Variants in DDB1 observed in about 807,000 individuals in gnomAD.
DDB1 encodes the protein damage specific DNA binding protein 1.
Under a neutral mutation model 133.1 loss-of-function variants are expected in DDB1, and 18 were observed. That is an observed-to-expected ratio of 0.14 (90% CI 0.09 to 0.20). DDB1 has a LOEUF of 0.20. Among genes scored for constraint, DDB1 ranks in the 10% least tolerant of loss-of-function variants. The probability of loss-of-function intolerance (pLI) is 1.00; values close to 1 mark genes in which losing one functional copy is unlikely to be tolerated. For synonymous variants in DDB1, 580 were observed against 550.5 expected (o/e 1.05, Z -0.75); for missense variants, 828 against 1,459.2 (o/e 0.57, Z 7.05).
Position 61,329,540 on chromosome 11 carries a change from A to G in DDB1, c.372T>C (p.Ile124=), listed in dbSNP as rs1856329886. Residue 124 remains isoleucine (I), a synonymous_variant, in exon 4 of 27, where the codon ATT becomes ATC. Transcript: ENST00000301764. ...RPSETGIIGI[I]DPECRMIGLR... Reference sequence around the variant, plus strand: ...GGCCAATCATCCGGCACTCAGGGTCAATGATGCCAATAATGCCGGTCTCTG... The same window carrying G: ...GGCCAATCATCCGGCACTCAGGGTCGATGATGCCAATAATGCCGGTCTCTG... The G allele has an allele frequency of 1.2e-6, 2 of 1,614,150 alleles. No individual in the cohort carries two copies. The highest frequency in any genetic ancestry group is 1.7e-5 in the Admixed American group (1 of 60,020).
At position 61,309,792 on chromosome 11, in the gene DDB1, T is replaced by G. The variant is rs1855933301; in HGVS notation, c.2566+4A>C. ...CTCAGAAACTGGAGACTGCGCCCAC[T>G]TACCATCCGAATACTGAAAGACCAC... On this transcript the variant is annotated splice_donor_region_variant and intron_variant, in intron 20 of 26. Coordinates refer to ENST00000301764, the MANE Select transcript of DDB1 (RefSeq NM_001923.5). 6.2e-7 allele frequency: 1 copy of G among 1,610,544 alleles called. No individual in the cohort carries two copies.
chr11:61,332,909 G>T lies in DDB1; in HGVS notation c.60C>A (p.Thr20=). 2 of 1,491,810 alleles carry T rather than the reference G, an allele frequency of 1.3e-6. No homozygotes were observed. Among genetic ancestry groups the T allele is most frequent in the Non-Finnish European group, 1.8e-6 (2 of 1,111,586 alleles). 92.4% of individuals were successfully genotyped at this position (1,491,810 alleles called of 1,614,324 possible). A position where few individuals can be genotyped will look rare whatever the true frequency, so the allele number is the denominator to read the frequency against. ...GGTCTCCGGCCCCGGCAGCCTCACC[G>T]GTCACGCAGCCGTTCACGGCGGTGG... ...QKPTAVNGCV[T]GHFTSAEDLN... is the part of the protein sequence containing the mutation. The change falls in exon 1 of 27, where the codon ACC becomes ACA. Residue 20 remains threonine, a splice_region_variant and synonymous_variant. Coordinates refer to ENST00000301764, the MANE Select transcript of DDB1 (RefSeq NM_001923.5).
rs1856317658 is a variant in DDB1, at chr11:61,328,983, T to C, written c.549+380A>G. On this transcript the variant is annotated intron_variant, in intron 4 of 26. Transcript: ENST00000301764. ...ACATATAAGGCATCACCAAGACAAT[T>C]TCTCTTTGCTTAATATAAAGGCAAG... Among the ~76,000 whole-genome samples, 4 of 152,184 alleles carry C rather than the reference T, an allele frequency of 2.6e-5. No homozygotes were observed. The South Asian group carries it at 6.2e-4, about 24-fold the overall frequency.
rs28720345 is a variant in DDB1 at position 61,304,106 on chromosome 11, G to A, written c.2662-71C>T. 13,737 of 1,563,466 alleles carry A rather than the reference G, an allele frequency of 8.8e-3. 113 individuals carry two copies. The highest frequency in any genetic ancestry group is 0.026 in the South Asian group (2,267 of 88,662). ...TCAGAATGACTCCCCCCAACTCTTC[G>A]ACCCTTCATCTGCAGCACTACTTCT... On this transcript the variant is annotated intron_variant, in intron 21 of 26. Transcript: ENST00000301764.
At chr11:61,320,322 T>C (rs963981695) in intron 10 of DDB1, among the ~76,000 whole-genome samples, 1 of 152,070 alleles carries the variant, frequency 6.6e-6, no homozygotes, top group East Asian at 1.9e-4. Context: ...CGTCTCAGCC[T>C]CCCGAGTAGC....
intron 12 of DDB1, chr11:61,315,949 A>C: frequency 5.2e-6 from 1 of 192,520 alleles, no homozygotes. Context: ...AGTTTAACAA[A>C]GGGAAAAAAT....
At chr11:61,314,257 A>T (rs368067873) in intron 13 of DDB1, 47 bp from the exon 14 acceptor site, 3 of 1,593,102 alleles carry the variant, frequency 1.9e-6, no homozygotes, top group Non-Finnish European at 2.6e-6. Flanking sequence ...AGGCTCAAAG[A>T]AGTCCTAGAG....
At chr11:61,323,278 TC>T (rs1304260383) in intron 7 of DDB1, 184 bp from the exon 8 acceptor site, 36 of 615,510 alleles carry the variant, frequency 5.8e-5, no homozygotes, top group Non-Finnish European at 9.7e-5. Context: ...TTTTGATTCT[TC>T]ATCTATTGCA....
rs1855823973 is a variant in DDB1 at position 61,302,861 on chromosome 11, T to C, written c.2943-110A>G. ...GCTCAATTTCCCTGGGGAGCTGACA[T>C]ACTCCACAGTAGGGGAGCCAGTCTA... On this transcript the variant is annotated intron_variant, in intron 23 of 26. Coordinates refer to ENST00000301764, the MANE Select transcript of DDB1 (RefSeq NM_001923.5). 4.9e-6 allele frequency: 7 copies of C among 1,417,558 alleles called. No homozygotes were observed. The East Asian group carries it at 7.0e-5, about 14-fold the overall frequency. 87.8% of individuals were successfully genotyped at this position (1,417,558 alleles called of 1,614,324 possible).
chr11:61,329,843 T>A, intron 3 of DDB1, 115 bp downstream of exon 3: 1 of 947,274 alleles, frequency 1.1e-6, no homozygotes. Flanking sequence ...ACCCATAGTG[T>A]CTTCTCCTTA....
chr11:61,305,040 C>T (rs1358252609), intron 21 of DDB1, among the ~76,000 whole-genome samples: 1 of 152,190 alleles, frequency 6.6e-6, no homozygotes, highest in Non-Finnish European at 1.5e-5. Context: ...ACAGACTCAA[C>T]CCATCTGAAC....
intron 22 of DDB1, 170 bp from the exon 23 acceptor site, chr11:61,303,325 C>T (rs961978887): frequency 5.2e-5 from 31 of 598,644 alleles, no homozygotes; most frequent in African/African-American, 3.2e-4. Flanking sequence ...TCTCTGCCAA[C>T]GCAGCCCATT....
intron 21 of DDB1, among the ~76,000 whole-genome samples, chr11:61,307,205 A>G (rs1431538717): frequency 6.6e-6 from 1 of 152,236 alleles, no homozygotes; most frequent in Admixed American, 6.5e-5. Context: ...GAAAATTCTT[A>G]TCCTGAAATT....
chr11:61,332,107 A>C, intron 1 of DDB1: 1 of 52,546 alleles, frequency 1.9e-5, no homozygotes, highest in Non-Finnish European at 1.0e-4. Flanking sequence ...ACCAAGTCAA[A>C]TGAAGAAGTC....
At chr11:61,306,926 G>A (rs552673145) in intron 21 of DDB1, among the ~76,000 whole-genome samples, 1 of 152,090 alleles carries the variant, frequency 6.6e-6, no homozygotes, top group Admixed American at 6.5e-5. Flanking sequence ...TCACTCTTCT[G>A]GTCCTAAAAC....
chr11:61,326,959 G>A (rs558289234), intron 4 of DDB1, 66 bp from the exon 5 acceptor site: 19 of 1,203,740 alleles, frequency 1.6e-5, no homozygotes, highest in Admixed American at 1.2e-4. Flanking sequence ...GAGAGGTGCT[G>A]TAAGGAATAA....
At position 61,330,032 on chromosome 11, in the gene DDB1, T is replaced by C; in HGVS notation, c.253A>G (p.Asn85Asp). The change falls in exon 3 of 27, where the codon AAT becomes GAT. Residue 85 changes from asparagine to aspartate, a missense_variant. This residue lies in a region of DDB1 where 210 missense variants were observed against 344.8 expected (regional missense o/e 0.61). Transcript: ENST00000301764. ...DLLFILTAKY[N>D]ACILEYKQSG... is the part of the protein sequence containing the mutation. ...TGTTTATACTCCAGGATGCAGGCAT[T>C]GTACTTCGCTGTCAAGATAAACAGC... The C allele has an allele frequency of 6.2e-7, 1 of 1,613,936 alleles. No individual in the cohort carries two copies. Among genetic ancestry groups the C allele is most frequent in the East Asian group, 2.2e-5 (1 of 44,880 alleles).
At chr11:61,302,559 G>A (rs759411835) in intron 24 of DDB1, 23 bp downstream of exon 24, 1 of 1,612,944 alleles carries the variant, frequency 6.2e-7, no homozygotes, top group South Asian at 1.1e-5. Flanking sequence ...GTGTGGGGGT[G>A]TGCCCCACAG....
chr11:61,331,858 G>C (rs555820299), intron 1 of DDB1, 167 bp from the exon 2 acceptor site: 17 of 861,730 alleles, frequency 2.0e-5, no homozygotes, highest in Admixed American at 8.1e-5. Flanking sequence ...GCACCTCAAA[G>C]AGTCTCAGTT....
Sources: gnomAD v4.1 joint callset for allele counts (sites outside exome capture counted in the v4.1 genomes callset) on GRCh38, gnomAD v4.1.1 for gene constraint, gnomAD v4.1.1 regional missense constraint, MANE v1.5 for transcripts, NCBI Gene and HGNC (gene_info 2026-07-23, HGNC 2026-07-21) for gene names.